Variants in CDC42BPB observed in about 807,000 individuals in gnomAD.
CDC42BPB encodes the protein serine/threonine-protein kinase MRCK beta.
Under a neutral mutation model 214.9 loss-of-function variants are expected in CDC42BPB, and 37 were observed. The observed-to-expected ratio is 0.17, with a 90% CI of 0.13 to 0.23. The LOEUF is 0.23. Ranked by LOEUF, CDC42BPB falls within the 10% of genes least tolerant of loss-of-function variation. CDC42BPB has a pLI of 1.00. For synonymous variants in CDC42BPB, 931 were observed against 884.0 expected (o/e 1.05, Z -0.94); for missense variants, 1,694 against 2,227.0 (o/e 0.76, Z 4.82).
chr14:102,984,593 C>T (rs1186020787), intron 6 of CDC42BPB, among the ~76,000 whole-genome samples: 4 of 152,036 alleles, frequency 2.6e-5, no homozygotes, highest in East Asian at 3.9e-4. Context: ...CAGAAAGCTG[C>T]GAGGGCACGG....
At chr14:102,999,537 T>C (rs757036609) in intron 5 of CDC42BPB, 28 bp downstream of exon 5, 28 of 1,608,556 alleles carry the variant, frequency 1.7e-5, no homozygotes, top group Non-Finnish European at 2.3e-5. Flanking sequence ...AAACGTGGTT[T>C]CCATAAAATA....
chr14:103,012,568 G>A (rs1370393804), intron 1 of CDC42BPB, among the ~76,000 whole-genome samples: 1 of 152,188 alleles, frequency 6.6e-6, no homozygotes, highest in African/African-American at 2.4e-5. Flanking sequence ...ACCTTACGAG[G>A]CTGAGGCAGG....
intron 5 of CDC42BPB, 35 bp downstream of exon 5, chr14:102,999,530 C>T (rs758029521): frequency 8.1e-6 from 13 of 1,606,958 alleles, no homozygotes; most frequent in South Asian, 3.3e-5. Flanking sequence ...AACAATTAAA[C>T]GTGGTTTCCA....
At position 102,944,708 on chromosome 14, in the gene CDC42BPB, TG is replaced by T; in HGVS notation, c.3812-222del. 1.0e-6 allele frequency: 1 copy of T among 979,988 alleles called. No individual in the cohort carries two copies. Among genetic ancestry groups the T allele is most frequent in the Non-Finnish European group, 1.2e-6 (1 of 825,052 alleles). 60.7% of individuals were successfully genotyped at this position (979,988 alleles called of 1,614,324 possible). On this transcript the variant is annotated intron_variant, in intron 29 of 36. Transcript: ENST00000361246. The surrounding 1 kb of genome is among the most constrained non-coding windows in gnomAD (Gnocchi z 6.6). ...CTGCCCCACATCCACAGCGCGCTCC[TG>T]GGGCAGCCTCGGGGGCTGGTCCAAA...
chr14:102,942,175 CG>C (rs1439047399), intron 30 of CDC42BPB, among the ~76,000 whole-genome samples: 11 of 152,324 alleles, frequency 7.2e-5, no homozygotes, highest in Non-Finnish European at 1.2e-4. Flanking sequence ...GCTGAGGCAG[CG>C]GGACTGGCCC....
At chr14:102,982,112 C>G (rs1385651859) in intron 7 of CDC42BPB, among the ~76,000 whole-genome samples, 1 of 152,208 alleles carries the variant, frequency 6.6e-6, no homozygotes, top group Non-Finnish European at 1.5e-5. Flanking sequence ...CCAGTTGTTA[C>G]TTTAACAGAA....
intron 1 of CDC42BPB, among the ~76,000 whole-genome samples, chr14:103,050,200 G>A (rs2139780606): frequency 6.6e-6 from 1 of 152,282 alleles, no homozygotes; most frequent in Middle Eastern, 3.4e-3. Flanking sequence ...AACTTCAAGT[G>A]GGAAAGGCAT....
intron 34 of CDC42BPB, chr14:102,938,681 T>A: frequency 2.2e-6 from 1 of 447,634 alleles, no homozygotes. Context: ...CAGGCTGGAG[T>A]GCAATGACGT....
chr14:102,942,586 C>G (rs1319953445), intron 30 of CDC42BPB, among the ~76,000 whole-genome samples: 2 of 152,230 alleles, frequency 1.3e-5, no homozygotes, highest in Non-Finnish European at 2.9e-5. Flanking sequence ...ACTCTGTCTC[C>G]CAGGCTAGAG....
chr14:103,015,141 GC>G (rs1175302428), intron 1 of CDC42BPB, among the ~76,000 whole-genome samples: 1 of 152,206 alleles, frequency 6.6e-6, no homozygotes, highest in Non-Finnish European at 1.5e-5. Context: ...TGGGGTGAAG[GC>G]TTGGAGAGGC....
chr14:103,047,475 TGG>T lies in CDC42BPB; in HGVS notation c.175+9522_175+9523del, dbSNP rs1888357641. Among the ~76,000 whole-genome samples, 6 of 152,260 alleles carry T rather than the reference TGG, an allele frequency of 3.9e-5. No homozygotes were observed. In the South Asian group the frequency reaches 6.2e-4, roughly 16 times the overall value. ...CCACACAGAGACTTGGAAACCATCG[TGG>T]TCTCCGACTTCTCATTACCAACACT... is the stretch of plus-strand genomic sequence containing the variant. On this transcript the variant is annotated intron_variant, in intron 1 of 36. Transcript: ENST00000361246.
At chr14:102,966,170 A>G (rs1250080511) in intron 18 of CDC42BPB, 112 bp downstream of exon 18, 6 of 734,668 alleles carry the variant, frequency 8.2e-6, no homozygotes, top group Non-Finnish European at 1.4e-5. Context: ...GGTTACACAG[A>G]AGTCTCTTGC....
intron 27 of CDC42BPB, 48 bp from the exon 28 acceptor site, chr14:102,946,732 A>T: frequency 6.3e-7 from 1 of 1,599,490 alleles, no homozygotes; most frequent in Admixed American, 1.7e-5. Context: ...CAAACGCCAA[A>T]GCCGCACGCA....
chr14:103,056,982 T>C lies in CDC42BPB; in HGVS notation c.175+17A>G. 7.2e-7 allele frequency: 1 copy of C among 1,396,918 alleles called. No homozygotes were observed. Among genetic ancestry groups the C allele is most frequent in the Non-Finnish European group, 9.3e-7 (1 of 1,071,082 alleles). 86.5% of individuals were successfully genotyped at this position (1,396,918 alleles called of 1,614,324 possible). ...GGTCGCAGAGCCGCAGGTCCGGCCC[T>C]GCCGGCGCGCACTTACCCCACTCGA... is the stretch of plus-strand genomic sequence containing the variant. On this transcript the variant is annotated intron_variant, in intron 1 of 36. Coordinates refer to ENST00000361246, the MANE Select transcript of CDC42BPB (RefSeq NM_006035.4).
chr14:102,934,492 C>A (rs1358200260), intron 36 of CDC42BPB, among the ~76,000 whole-genome samples: 1 of 150,564 alleles, frequency 6.6e-6, no homozygotes, highest in Non-Finnish European at 1.5e-5. Flanking sequence ...CGAGACTGCA[C>A]CACTGCACTC....
chr14:102,953,494 G>A (rs1057135648), intron 23 of CDC42BPB, among the ~76,000 whole-genome samples: 2 of 152,236 alleles, frequency 1.3e-5, no homozygotes, highest in Admixed American at 6.5e-5. Context: ...CTTACGTCCA[G>A]CCGGCATAGC....
At chr14:102,973,862 C>T (rs1382700155) in intron 12 of CDC42BPB, among the ~76,000 whole-genome samples, 154 bp downstream of exon 12, 1 of 152,192 alleles carries the variant, frequency 6.6e-6, no homozygotes, top group Non-Finnish European at 1.5e-5. Flanking sequence ...GTGGCAGGGG[C>T]CCCGGGGCCA....
intron 5 of CDC42BPB, among the ~76,000 whole-genome samples, chr14:102,990,400 GA>G (rs1894439190): frequency 6.6e-6 from 1 of 152,200 alleles, no homozygotes; most frequent in East Asian, 1.9e-4. Flanking sequence ...GTCCTGGGCA[GA>G]GCAATTCTAA....
At chr14:103,021,382 C>T (rs529231749) in intron 1 of CDC42BPB, among the ~76,000 whole-genome samples, 7 of 151,320 alleles carry the variant, frequency 4.6e-5, no homozygotes, top group African/African-American at 1.2e-4. Flanking sequence ...AGGAGAATGG[C>T]GTGAACCTGG....
Sources: allele counts gnomAD v4.1 joint callset (sites outside exome capture counted in the v4.1 genomes callset), GRCh38; gene constraint gnomAD v4.1.1; non-coding constraint Gnocchi (gnomAD v3.1); transcripts MANE v1.5; gene names NCBI Gene and HGNC (gene_info 2026-07-23, HGNC 2026-07-21).